SLC4A10: variants seen among roughly 807,000 people sequenced by gnomAD.
The protein encoded by SLC4A10 is sodium-driven chloride bicarbonate exchanger.
Under a neutral mutation model 137.7 loss-of-function variants are expected in SLC4A10, and 42 were observed. The ratio of observed to expected loss-of-function variants is 0.30; its 90% CI spans 0.24 to 0.39. The LOEUF (loss-of-function observed/expected upper bound fraction) is 0.39, where lower values mean the gene tolerates loss of function less well. Ranked by LOEUF, SLC4A10 falls within the 10% of genes least tolerant of loss-of-function variation. SLC4A10 has a pLI of 1.00. For missense variants in SLC4A10, 925 were observed against 1,355.0 expected (o/e 0.68, Z 4.98); for synonymous variants, 474 against 464.1 (o/e 1.02, Z -0.27).
intron 26 of SLC4A10, among the ~76,000 whole-genome samples, chr2:161,978,295 G>A (rs902963273): frequency 6.7e-6 from 1 of 148,630 alleles, no homozygotes; most frequent in African/African-American, 2.5e-5. Flanking sequence ...GCTGAGGCAG[G>A]AGGATCGCTT....
chr2:161,913,795 A>T (rs537010598), intron 15 of SLC4A10, among the ~76,000 whole-genome samples: 153 of 152,220 alleles, frequency 1.0e-3, no homozygotes, highest in African/African-American at 3.6e-3. Context: ...TGTTGGTCAT[A>T]TTGTTATGGG....
rs75904960 is a variant in SLC4A10, at chr2:161,830,698, A to G, written c.278-9091A>G. 9.5e-3 allele frequency among the ~76,000 whole-genome samples: 1,452 copies of G among 152,270 alleles called. 91 individuals are homozygous for G. In the East Asian group the frequency reaches 0.17, roughly 18 times the overall value. ...AGTGTACAAAATACATCTTGGCTTC[A>G]TCTTTTAAATAAATTAATATTTGTT... On this transcript the variant is annotated intron_variant, in intron 3 of 26. Transcript: ENST00000446997.
At chr2:161,735,140 ATATAT>A (rs2047213070) in intron 1 of SLC4A10, among the ~76,000 whole-genome samples, 1 of 148,716 alleles carries the variant, frequency 6.7e-6, no homozygotes, top group African/African-American at 2.4e-5. Flanking sequence ...GAAAAAATAT[ATATAT>A]TATACATATA....
Position 161,882,425 on chromosome 2 carries a change from C to T in SLC4A10, c.1175C>T (p.Ala392Val). 1 of 1,599,234 alleles carries T rather than the reference C, an allele frequency of 6.3e-7. No homozygotes were observed. The change falls in exon 10 of 27, where the codon GCA becomes GTA. Residue 392 changes from alanine to valine, a missense_variant. Ala to Val is a moderately conservative substitution (Grantham distance 64). Around this residue, in one of 11 missense-constraint regions of SLC4A10, gnomAD observed 277 missense variants for 306.1 expected, o/e 0.90. Coordinates refer to ENST00000446997, the MANE Select transcript of SLC4A10 (RefSeq NM_001178015.2). The stretch of plus-strand genomic sequence containing the variant: ...TACCATGAGATTGGCAGATCAATTG[C>T]AACCCTAATGACAGATGAGGTATTT... ...QQYHEIGRSI[A>V]TLMTDEVFHD...
At chr2:161,870,883 T>C (rs2061075840) in intron 6 of SLC4A10, among the ~76,000 whole-genome samples, 1 of 151,872 alleles carries the variant, frequency 6.6e-6, no homozygotes, top group Admixed American at 6.6e-5. Context: ...TCTCCAAATA[T>C]ATTCTTTTAC....
chr2:161,922,212 GA>G (rs1224836895), intron 15 of SLC4A10, among the ~76,000 whole-genome samples: 3 of 152,118 alleles, frequency 2.0e-5, no homozygotes, highest in Non-Finnish European at 2.9e-5. Flanking sequence ...TTTGAGATGA[GA>G]AAAAGTTTAA....
intron 1 of SLC4A10, among the ~76,000 whole-genome samples, chr2:161,677,325 C>A (rs887614021): frequency 5.9e-5 from 9 of 152,132 alleles, no homozygotes; most frequent in African/African-American, 2.2e-4. Context: ...GTACAGCCTG[C>A]AGAACCAGCA....
chr2:161,755,272 A>T (rs2049487100), intron 1 of SLC4A10, among the ~76,000 whole-genome samples: 1 of 152,188 alleles, frequency 6.6e-6, no homozygotes, highest in South Asian at 2.1e-4. Flanking sequence ...AAAAAAGCTT[A>T]TATTCATATC....
intron 1 of SLC4A10, among the ~76,000 whole-genome samples, chr2:161,736,462 A>T (rs1410169488): frequency 6.6e-6 from 1 of 152,234 alleles, no homozygotes; most frequent in Non-Finnish European, 1.5e-5. Flanking sequence ...AAAGAGGCTT[A>T]ATTGACTCAC....
intron 2 of SLC4A10, among the ~76,000 whole-genome samples, chr2:161,801,979 C>A (rs1482433879): frequency 6.6e-6 from 1 of 151,898 alleles, no homozygotes; most frequent in African/African-American, 2.4e-5. Context: ...ATATTGTGGT[C>A]AATAAAATAA....
chr2:161,699,073 G>A (rs941404315), intron 1 of SLC4A10, among the ~76,000 whole-genome samples: 6 of 152,150 alleles, frequency 3.9e-5, no homozygotes, highest in Non-Finnish European at 7.3e-5. Flanking sequence ...AGGCTGGAGT[G>A]CAGTGGCGCG....
In SLC4A10 at chr2:161,976,861, G is replaced by C; in HGVS notation, c.3329G>C (p.Ser1110Thr). ...TADNSKDKES[S>T]FPSKSSPS ...GATAACTCAAAAGATAAGGAGTCAA[G>C]CTTTCCTTCCAAAAGGTTTGGATTT... Residue 1110 changes from serine to threonine, a missense_variant, in exon 25 of 27, where the codon AGC (serine) becomes ACC (threonine). Transcript: ENST00000446997. The C allele has an allele frequency of 1.3e-6, 2 of 1,584,494 alleles. No individual in the cohort carries two copies. Among genetic ancestry groups the C allele is most frequent in the Middle Eastern group, 1.7e-4 (1 of 6,006 alleles).
At chr2:161,765,550 G>A (rs2050712267) in intron 1 of SLC4A10, among the ~76,000 whole-genome samples, 1 of 150,640 alleles carries the variant, frequency 6.6e-6, no homozygotes, top group Non-Finnish European at 1.5e-5. Context: ...AGGAGGCAGA[G>A]GTTGCAGTGA....
intron 15 of SLC4A10, among the ~76,000 whole-genome samples, chr2:161,919,387 A>C (rs1308687114): frequency 6.6e-6 from 1 of 152,120 alleles, no homozygotes; most frequent in Non-Finnish European, 1.5e-5. Context: ...CCAGTTCTGC[A>C]GACTGGAGTG....
At chr2:161,918,922 A>G (rs1687630276) in intron 15 of SLC4A10, among the ~76,000 whole-genome samples, 1 of 152,206 alleles carries the variant, frequency 6.6e-6, no homozygotes, top group Admixed American at 6.5e-5. Context: ...TCCCTGGTGC[A>G]ACTGCAGCTG....
intron 1 of SLC4A10, among the ~76,000 whole-genome samples, chr2:161,743,007 T>C (rs561114356): frequency 1.3e-5 from 2 of 152,296 alleles, no homozygotes; most frequent in African/African-American, 2.4e-5. Context: ...TTATATATTA[T>C]GGTTATTAAT....
At chr2:161,799,802 T>C (rs1237774257) in intron 2 of SLC4A10, among the ~76,000 whole-genome samples, 1 of 151,924 alleles carries the variant, frequency 6.6e-6, no homozygotes, top group East Asian at 1.9e-4. Flanking sequence ...TATTATTACT[T>C]ATAGCAATAA....
intron 3 of SLC4A10, among the ~76,000 whole-genome samples, chr2:161,828,550 T>A (rs1166722055): frequency 6.8e-6 from 1 of 147,776 alleles, no homozygotes; most frequent in Non-Finnish European, 1.5e-5. Context: ...TTTGTATATA[T>A]AAATATATAC....
chr2:161,878,562 G>C (rs1405439222), intron 8 of SLC4A10, among the ~76,000 whole-genome samples: 1 of 151,556 alleles, frequency 6.6e-6, no homozygotes, highest in Non-Finnish European at 1.5e-5. Flanking sequence ...TTTTTCTACT[G>C]TGTCATATCT....
Sources: allele counts gnomAD v4.1 joint callset (sites outside exome capture counted in the v4.1 genomes callset), GRCh38; gene constraint gnomAD v4.1.1; regional missense constraint gnomAD v4.1.1; transcripts MANE v1.5; gene names NCBI Gene and HGNC (gene_info 2026-07-23, HGNC 2026-07-21).